Variants in ZNF782 observed in about 807,000 individuals in gnomAD.
The protein encoded by ZNF782 is zinc finger protein 782.
ZNF782 carries 12 observed loss-of-function variants against 13.0 expected under a neutral mutation model. The ratio of observed to expected loss-of-function variants is 0.92; its 90% CI spans 0.59 to 1.50. ZNF782 has a LOEUF of 1.50. Ranked by LOEUF, ZNF782 falls within the 40% of genes most tolerant of loss-of-function variation. ZNF782 has a pLI of 0.00. For synonymous variants in ZNF782, 284 were observed against 283.0 expected (o/e 1.00, Z -0.04); for missense variants, 770 against 822.9 (o/e 0.94, Z 0.79).
At chr9:96,897,857 A>T in the ZNF782 span, 2 of 151,830 alleles carry the variant, frequency 1.3e-5, no homozygotes, top group African/African-American at 2.4e-5. Context: ...TGAAGGTGAG[A>T]TATTGGCTGT....
At chr9:96,849,165 G>C (rs1851422563) in intron 3 of ZNF782, among the ~76,000 whole-genome samples, 2 of 152,222 alleles carry the variant, frequency 1.3e-5, no homozygotes, top group African/African-American at 4.8e-5. Context: ...ACCAGCGGTG[G>C]TGGGGTGGGG....
chr9:96,829,140 G>A (rs1850720968), intron 4 of ZNF782, among the ~76,000 whole-genome samples: 1 of 147,330 alleles, frequency 6.8e-6, no homozygotes, highest in African/African-American at 2.5e-5. Flanking sequence ...TGTGTATTAC[G>A]AGAAATGTTA....
chr9:96,932,544 T>C, the ZNF782 span: 51 of 1,327,908 alleles, frequency 3.8e-5, no homozygotes, highest in East Asian at 1.0e-3. Context: ...GGTTGTGCTA[T>C]GGGAAGGTAC....
intron 4 of ZNF782, among the ~76,000 whole-genome samples, chr9:96,833,261 A>T (rs1183647888): frequency 6.6e-6 from 1 of 152,190 alleles, no homozygotes; most frequent in Non-Finnish European, 1.5e-5. Context: ...TTCATAACTA[A>T]TAATACTGAT....
chr9:96,841,491 T>C (rs1851187495), intron 4 of ZNF782, among the ~76,000 whole-genome samples: 1 of 151,844 alleles, frequency 6.6e-6, no homozygotes, highest in African/African-American at 2.4e-5. Context: ...TATTAGCAAA[T>C]AGAATCAAAC....
intron 1 of ZNF782, among the ~76,000 whole-genome samples, chr9:96,870,158 G>A (rs1012099343): frequency 6.6e-6 from 1 of 152,130 alleles, no homozygotes; most frequent in Non-Finnish European, 1.5e-5. Context: ...ACTATCTAAG[G>A]GAGTCTGCAT....
At chr9:96,822,085 T>C (rs62558811) in intron 5 of ZNF782, among the ~76,000 whole-genome samples, 6,564 of 152,306 alleles carry the variant, frequency 0.043, 196 homozygotes, top group Non-Finnish European at 0.063. Context: ...AGACAGTGAC[T>C]GTTAAAAAGC....
At chr9:96,907,245 A>T in the ZNF782 span, among the ~76,000 whole-genome samples, 1 of 152,342 alleles carries the variant, frequency 6.6e-6, no homozygotes, top group Non-Finnish European at 1.5e-5. Flanking sequence ...TAAGTGAAAT[A>T]AGCCAGTCAC....
At chr9:96,881,098 G>T in the ZNF782 span, among the ~76,000 whole-genome samples, 1 of 151,866 alleles carries the variant, frequency 6.6e-6, no homozygotes, top group Non-Finnish European at 1.5e-5. Context: ...ATGTCTGTAG[G>T]TTCTATAGTT....
At chr9:96,886,717 G>A in the ZNF782 span, among the ~76,000 whole-genome samples, 1 of 152,120 alleles carries the variant, frequency 6.6e-6, no homozygotes, top group African/African-American at 2.4e-5. Context: ...GAGGTCAGGA[G>A]TTGGAGACAA....
At chr9:96,878,502 T>TAGGC (rs1851921587), upstream of ZNF782, among the ~76,000 whole-genome samples, 1 of 152,256 alleles carries the variant, frequency 6.6e-6, no homozygotes, top group African/African-American at 2.4e-5. Context: ...TGTCCACTGA[T>TAGGC]GCCTAACTCT....
the ZNF782 span, among the ~76,000 whole-genome samples, chr9:96,923,118 T>C: frequency 6.8e-6 from 1 of 147,466 alleles, no homozygotes; most frequent in Non-Finnish European, 1.5e-5. Context: ...AACCACTCAC[T>C]GAAAAATACA....
the ZNF782 span, among the ~76,000 whole-genome samples, chr9:96,906,835 A>G: frequency 5.9e-5 from 9 of 152,286 alleles, no homozygotes; most frequent in Non-Finnish European, 1.3e-4. Context: ...GCTAGGGCCA[A>G]AAGTCCCAAC....
chr9:96,837,819 T>C (rs955025037), intron 4 of ZNF782, among the ~76,000 whole-genome samples: 1 of 152,232 alleles, frequency 6.6e-6, no homozygotes, highest in Non-Finnish European at 1.5e-5. Context: ...TTGTAACATT[T>C]CTAGTCTTCC....
the ZNF782 span, among the ~76,000 whole-genome samples, chr9:96,917,887 C>CGTGTGTGTGTGT: frequency 2.4e-3 from 287 of 121,704 alleles, 7 homozygotes; most frequent in African/African-American, 9.3e-3. Flanking sequence ...CCACCCTTGG[C>CGTGTGTGTGTGT]GTGTGTGTGT....
chr9:96,818,511 T>G lies in ZNF782; in HGVS notation c.1512A>C (p.Arg504Ser). ...RNHRRTHTGE[R>S]PYKCDECGKA... ...TCCCACATTCATCACATTTATATGG[T>G]CTTTCCCCTGTGTGAGTTCTTCGGT... The change falls in exon 6 of 6, where the codon AGA becomes AGC. Residue 504 changes from arginine to serine, a missense_variant. Coordinates refer to ENST00000481138, the MANE Select transcript of ZNF782 (RefSeq NM_001001662.3). The G allele has an allele frequency of 6.2e-7, 1 of 1,614,090 alleles. No homozygotes were observed. Among genetic ancestry groups the G allele is most frequent in the East Asian group, 2.2e-5 (1 of 44,862 alleles).
At chr9:96,859,208 G>T (rs556575294), upstream of ZNF782, among the ~76,000 whole-genome samples, 1 of 152,328 alleles carries the variant, frequency 6.6e-6, no homozygotes, top group South Asian at 2.1e-4. Context: ...TAAGCCACAA[G>T]GACTGCAACT....
In ZNF782 at chr9:96,850,287, T is replaced by C. The variant is rs1408860546; in HGVS notation, c.15+1660A>G. ...CCATGAACTGAGTGGATAAAGAAAA[T>C]GTGGTACCTATACACCATGGAATAC... On this transcript the variant is annotated intron_variant, in intron 3 of 5. Transcript: ENST00000481138. The surrounding 1 kb of genome is among the most constrained non-coding windows in gnomAD (Gnocchi z 4.3). Among the ~76,000 whole-genome samples the C allele has an allele frequency of 2.6e-5, 4 of 152,052 alleles. No homozygotes were observed. Among genetic ancestry groups the C allele is most frequent in the African/African-American group, 9.7e-5 (4 of 41,382 alleles).
chr9:96,860,148 C>A (rs1851687033), intron 3 of ZNF782: 1 of 152,050 alleles, frequency 6.6e-6, no homozygotes, highest in African/African-American at 2.4e-5. Context: ...GACTGAGAGC[C>A]CTGGCTCTCA....
Sources: gnomAD v4.1 joint callset for allele counts (sites outside exome capture counted in the v4.1 genomes callset) on GRCh38, gnomAD v4.1.1 for gene constraint, Gnocchi (gnomAD v3.1) non-coding constraint, MANE v1.5 for transcripts, NCBI Gene and HGNC (gene_info 2026-07-23, HGNC 2026-07-21) for gene names.